STK32A: variants seen among roughly 807,000 people sequenced by gnomAD.
STK32A encodes the protein serine/threonine kinase 32A, also known as serine/threonine-protein kinase 32A.
A neutral mutation model predicts 53.2 loss-of-function variants in STK32A; 41 were observed. The observed-to-expected ratio is 0.77, with a 90% CI of 0.60 to 1.00. The LOEUF is 1.00. Ranked by LOEUF, STK32A falls within the 50% of genes least tolerant of loss-of-function variation. STK32A has a pLI of 0.00. For missense variants in STK32A, 458 were observed against 485.8 expected (o/e 0.94, Z 0.54); for synonymous variants, 166 against 162.8 (o/e 1.02, Z -0.15).
the STK32A span, among the ~76,000 whole-genome samples, chr5:147,396,865 G>A: frequency 6.9e-6 from 1 of 144,628 alleles, no homozygotes. Flanking sequence ...GTATATGTGT[G>A]TATATATATA....
chr5:147,334,968 T>C (rs893121119), intron 5 of STK32A, among the ~76,000 whole-genome samples: 6 of 152,340 alleles, frequency 3.9e-5, no homozygotes, highest in African/African-American at 1.4e-4. Flanking sequence ...TTTTCCCTTT[T>C]GTACATACCT....
In STK32A at chr5:147,243,384, G is replaced by C. The variant is rs1386003811; in HGVS notation, c.52+3698G>C. Among the ~76,000 whole-genome samples the C allele has an allele frequency of 1.7e-5, 2 of 120,452 alleles. 1 individual carries two copies. Among genetic ancestry groups the C allele is most frequent in the Non-Finnish European group, 3.6e-5 (2 of 55,160 alleles). 79.0% of individuals were successfully genotyped at this position (120,452 alleles called of 152,430 possible). Reference sequence around the variant, plus strand: ...TTTCATGTTGTTCCATCTGATATCTGATCTTGAACACATAATTTTATTAGT... The same window carrying C: ...TTTCATGTTGTTCCATCTGATATCTCATCTTGAACACATAATTTTATTAGT... On this transcript the variant is annotated intron_variant, in intron 2 of 12. Transcript: ENST00000397936.
chr5:147,376,296 T>C (rs1422053809), intron 11 of STK32A, among the ~76,000 whole-genome samples: 2 of 152,172 alleles, frequency 1.3e-5, no homozygotes, highest in Non-Finnish European at 2.9e-5. Flanking sequence ...CTCCAAGGAA[T>C]GCTTAGCTGT....
intron 4 of STK32A, among the ~76,000 whole-genome samples, chr5:147,293,576 A>C (rs1752715097): frequency 6.6e-6 from 1 of 151,748 alleles, no homozygotes; most frequent in African/African-American, 2.4e-5. Context: ...AACTTACTCA[A>C]AATATTTTTA....
chr5:147,325,978 T>C (rs1754567506), intron 5 of STK32A, among the ~76,000 whole-genome samples: 1 of 152,188 alleles, frequency 6.6e-6, no homozygotes. Context: ...CTCCTTTTCC[T>C]GTTTGAAATT....
the STK32A span, chr5:147,397,520 G>T: frequency 1.2e-6 from 1 of 868,714 alleles, no homozygotes; most frequent in Non-Finnish European, 1.7e-6. Flanking sequence ...CATTAAGTCT[G>T]TGTAGTTGTT....
At chr5:147,318,027 C>A (rs1337491402) in intron 4 of STK32A, among the ~76,000 whole-genome samples, 2 of 152,022 alleles carry the variant, frequency 1.3e-5, no homozygotes, top group East Asian at 3.9e-4. Context: ...ATAATCCCAC[C>A]ATTTATGTAA....
chr5:147,372,911 C>T (rs1006796356), intron 9 of STK32A, among the ~76,000 whole-genome samples: 3 of 151,964 alleles, frequency 2.0e-5, no homozygotes, highest in African/African-American at 7.3e-5. Flanking sequence ...CAAATTTGCC[C>T]TTAGTAAGTA....
chr5:147,323,831 A>T (rs1754438209), intron 4 of STK32A, 67 bp from the exon 5 acceptor site: 2 of 1,390,008 alleles, frequency 1.4e-6, no homozygotes, highest in East Asian at 2.4e-5. Context: ...GTAGGGTCTC[A>T]TTTGTCTCTG....
chr5:147,387,824 A>C lies in STK32A; in HGVS notation c.*3841A>C, dbSNP rs1465786172. The C allele has an allele frequency of 6.6e-6, 1 of 152,190 alleles. No homozygotes were observed. Among genetic ancestry groups the C allele is most frequent in the Admixed American group, 6.5e-5 (1 of 15,280 alleles). 9.4% of individuals were successfully genotyped at this position (152,190 alleles called of 1,614,324 possible). A position where few individuals can be genotyped will look rare whatever the true frequency, so the allele number is the denominator to read the frequency against. On this transcript the variant is annotated 3_prime_UTR_variant, in exon 13 of 13. Transcript: ENST00000397936. Reference sequence around the variant, plus strand: ...TAGCATATATAATATAAATGTGCCTATGTGTATTAAAATGTCTTCTGTAAA... The same window carrying C: ...TAGCATATATAATATAAATGTGCCTCTGTGTATTAAAATGTCTTCTGTAAA...
At chr5:147,256,911 C>T (rs1187119551) in intron 2 of STK32A, among the ~76,000 whole-genome samples, 2 of 152,132 alleles carry the variant, frequency 1.3e-5, no homozygotes, top group African/African-American at 2.4e-5. Context: ...AGAAGGCTTA[C>T]AGGAAGGTGC....
rs139762357 is a variant in STK32A at position 147,310,836 on chromosome 5, C to A, written c.261-13062C>A. Among the ~76,000 whole-genome samples, 914 of 152,126 alleles carry A rather than the reference C, an allele frequency of 6.0e-3. 5 individuals carry two copies. Among genetic ancestry groups the A allele is most frequent in the Non-Finnish European group, 0.01 (683 of 68,006 alleles). The stretch of plus-strand genomic sequence containing the variant: ...TGGCTGTATTATTCTCTGAGGTGGC[C>A]ATCTCAAGAGATTCTGTAGAAAATA... On this transcript the variant is annotated intron_variant, in intron 4 of 12. Coordinates refer to ENST00000397936, the MANE Select transcript of STK32A (RefSeq NM_001112724.2).
chr5:147,330,519 C>T (rs916022793), intron 5 of STK32A, among the ~76,000 whole-genome samples: 5 of 152,148 alleles, frequency 3.3e-5, no homozygotes, highest in Non-Finnish European at 7.3e-5. Flanking sequence ...TGGGGGTCAC[C>T]GTACACAGTC....
intron 4 of STK32A, among the ~76,000 whole-genome samples, chr5:147,305,930 C>T (rs139801492): frequency 6.6e-6 from 1 of 150,524 alleles, no homozygotes; most frequent in Admixed American, 6.6e-5. Context: ...GTTTATATTC[C>T]AAAATATGTG....
At chr5:147,392,167 C>T (rs997145717), downstream of STK32A, 3 of 152,190 alleles carry the variant, frequency 2.0e-5, no homozygotes, top group Non-Finnish European at 4.4e-5. Context: ...TGAAAGACCC[C>T]CACATCTTTG....
At chr5:147,392,871 C>T in the STK32A span, 1 of 152,214 alleles carries the variant, frequency 6.6e-6, no homozygotes, top group Non-Finnish European at 1.5e-5. Context: ...TCAAGACTGA[C>T]TTTGGCTTTC....
At chr5:147,376,510 A>C (rs2152005980) in intron 11 of STK32A, among the ~76,000 whole-genome samples, 1 of 152,298 alleles carries the variant, frequency 6.6e-6, no homozygotes, top group South Asian at 2.1e-4. Flanking sequence ...TTTTATTACA[A>C]GTTTTTAAAG....
chr5:147,360,085 A>C (rs968276226), intron 7 of STK32A, among the ~76,000 whole-genome samples: 1 of 152,152 alleles, frequency 6.6e-6, no homozygotes, highest in Non-Finnish European at 1.5e-5. Context: ...GTTTCTGAGC[A>C]CTTTATAAGT....
intron 5 of STK32A, among the ~76,000 whole-genome samples, chr5:147,339,478 C>T (rs892587411): frequency 1.3e-4 from 20 of 152,244 alleles, no homozygotes; most frequent in Non-Finnish European, 2.5e-4. Flanking sequence ...GGAACCCACA[C>T]ACAGAGTTCC....
Sources: allele counts gnomAD v4.1 joint callset (sites outside exome capture counted in the v4.1 genomes callset), GRCh38; gene constraint gnomAD v4.1.1; transcripts MANE v1.5; gene names NCBI Gene and HGNC (gene_info 2026-07-23, HGNC 2026-07-21).